ADGRL3: variants seen among roughly 807,000 people sequenced by gnomAD.
The protein encoded by ADGRL3 is calcium-independent alpha-latrotoxin receptor 3.
ADGRL3 carries 62 observed loss-of-function variants against 153.5 expected under a neutral mutation model. The observed-to-expected ratio is 0.40, with a 90% confidence interval of 0.33 to 0.50. ADGRL3 has a LOEUF of 0.50. Among genes scored for constraint, ADGRL3 ranks in the 20% least tolerant of loss-of-function variants. The pLI is 0.47. For missense variants in ADGRL3, 1,641 were observed against 1,859.4 expected (o/e 0.88, Z 2.16); for synonymous variants, 710 against 672.5 (o/e 1.06, Z -0.86).
intron 2 of ADGRL3, among the ~76,000 whole-genome samples, chr4:61,407,909 A>G (rs2097024262): frequency 1.3e-5 from 2 of 152,130 alleles, no homozygotes; most frequent in Non-Finnish European, 2.9e-5. Context: ...ACTCAAAATT[A>G]TAAATTGGTT....
At chr4:62,042,914 A>G (rs923946587) in intron 24 of ADGRL3, among the ~76,000 whole-genome samples, 2 of 151,930 alleles carry the variant, frequency 1.3e-5, no homozygotes, top group Admixed American at 6.6e-5. Context: ...TCCAAACATA[A>G]CCACTATCTT....
chr4:61,423,345 G>A (rs957430762), intron 2 of ADGRL3, among the ~76,000 whole-genome samples: 4 of 152,196 alleles, frequency 2.6e-5, no homozygotes, highest in Non-Finnish European at 5.9e-5. Flanking sequence ...CCTTGGAACA[G>A]CATGGGCAAA....
At chr4:61,768,299 G>T (rs542842591) in intron 8 of ADGRL3, among the ~76,000 whole-genome samples, 2 of 152,058 alleles carry the variant, frequency 1.3e-5, no homozygotes, top group African/African-American at 4.8e-5. Context: ...GTGGAGGAGC[G>T]GAGGCTGAGG....
At chr4:61,220,599 A>T in intron 1 of ADGRL3, among the ~76,000 whole-genome samples, 1 of 152,172 alleles carries the variant, frequency 6.6e-6, no homozygotes, top group East Asian at 1.9e-4. Context: ...CTTCATGTAG[A>T]AAAAGGGAGT....
chr4:61,805,185 G>T (rs546588349), intron 8 of ADGRL3, among the ~76,000 whole-genome samples: 5 of 151,868 alleles, frequency 3.3e-5, no homozygotes, highest in Admixed American at 6.6e-5. Flanking sequence ...CTCGTGATCC[G>T]CCCGCCTCGG....
At chr4:61,945,516 C>T (rs1270456597) in intron 15 of ADGRL3, among the ~76,000 whole-genome samples, 5 of 135,474 alleles carry the variant, frequency 3.7e-5, no homozygotes, top group Non-Finnish European at 6.3e-5. Context: ...TGGGCAATGG[C>T]GGGCGCCCCT....
At chr4:61,927,357 CTT>C (rs377282023) in intron 13 of ADGRL3, among the ~76,000 whole-genome samples, 61 of 145,246 alleles carry the variant, frequency 4.2e-4, no homozygotes, top group South Asian at 1.8e-3. Flanking sequence ...AAAGACAATG[CTT>C]TTTTTTAAAA....
chr4:61,565,911 G>A (rs2098814516), intron 4 of ADGRL3, among the ~76,000 whole-genome samples: 2 of 152,052 alleles, frequency 1.3e-5, no homozygotes, highest in Admixed American at 1.3e-4. Context: ...ATTTTCTTGG[G>A]TTTTCATAGA....
intron 8 of ADGRL3, among the ~76,000 whole-genome samples, chr4:61,744,050 A>C (rs1006835848): frequency 6.6e-6 from 1 of 152,192 alleles, no homozygotes; most frequent in Non-Finnish European, 1.5e-5. Context: ...ACGGCACACC[A>C]GGAGATTATA....
At chr4:61,536,324 T>A (rs1365024655) in intron 4 of ADGRL3, among the ~76,000 whole-genome samples, 1 of 152,104 alleles carries the variant, frequency 6.6e-6, no homozygotes, top group African/African-American at 2.4e-5. Flanking sequence ...TTAGAGAATC[T>A]TCCATGTGCA....
At chr4:61,365,036 A>C (rs2096369380) in intron 1 of ADGRL3, among the ~76,000 whole-genome samples, 1 of 152,174 alleles carries the variant, frequency 6.6e-6, no homozygotes, top group Non-Finnish European at 1.5e-5. Flanking sequence ...GACAGAAAAA[A>C]ATGCTTATCT....
intron 3 of ADGRL3, among the ~76,000 whole-genome samples, chr4:61,514,083 C>G (rs1396780631): frequency 6.6e-5 from 10 of 152,280 alleles, no homozygotes; most frequent in South Asian, 2.1e-4. Context: ...AAACTATCTT[C>G]AAATATCTGA....
intron 3 of ADGRL3, among the ~76,000 whole-genome samples, chr4:61,508,384 G>A (rs924025170): frequency 1.7e-4 from 26 of 152,226 alleles, no homozygotes; most frequent in African/African-American, 5.5e-4. Context: ...ACAGCCATGT[G>A]TTTGACTCTT....
intron 17 of ADGRL3, among the ~76,000 whole-genome samples, chr4:61,973,958 T>G (rs1197381496): frequency 1.3e-5 from 2 of 152,154 alleles, no homozygotes; most frequent in African/African-American, 4.8e-5. Context: ...CTTCGGATGC[T>G]TTGGACATTT....
At chr4:61,389,064 A>T (rs918049512) in intron 2 of ADGRL3, among the ~76,000 whole-genome samples, 1 of 151,894 alleles carries the variant, frequency 6.6e-6, no homozygotes, top group African/African-American at 2.4e-5. Context: ...TGTGTCTTTT[A>T]TATTGCACCA....
intron 2 of ADGRL3, among the ~76,000 whole-genome samples, chr4:61,486,834 T>C (rs921793683): frequency 2.0e-5 from 3 of 152,174 alleles, no homozygotes; most frequent in Admixed American, 2.0e-4. Context: ...TGGAAGATCA[T>C]GGTTCTTGGT....
At chr4:61,685,514 A>T (rs1046221673) in intron 6 of ADGRL3, among the ~76,000 whole-genome samples, 2 of 152,156 alleles carry the variant, frequency 1.3e-5, no homozygotes, top group African/African-American at 4.8e-5. Flanking sequence ...ATATCTGAAG[A>T]GGCTATGTGA....
chr4:61,993,719 CTT>C lies in ADGRL3; in HGVS notation c.3237-2568_3237-2567del, dbSNP rs573893048. Among the ~76,000 whole-genome samples, 204 of 152,108 alleles carry C rather than the reference CTT, an allele frequency of 1.3e-3. 1 individual carries two copies. Among genetic ancestry groups the C allele is most frequent in the African/African-American group, 4.4e-3 (183 of 41,530 alleles). On this transcript the variant is annotated intron_variant, in intron 19 of 26. Coordinates refer to ENST00000683033, the MANE Select transcript of ADGRL3 (RefSeq NM_001387552.1). ...TCTCTCTCTCTCCCTCTCTGTCGCT[CTT>C]TTTCACTCTCTCTCATACACACATA...
intron 4 of ADGRL3, among the ~76,000 whole-genome samples, chr4:61,585,231 T>C (rs2098941562): frequency 6.6e-6 from 1 of 151,986 alleles, no homozygotes. Context: ...CAGTGCAGCT[T>C]GAATAACTTC....
Sources: gnomAD v4.1 joint callset for allele counts (sites outside exome capture counted in the v4.1 genomes callset) on GRCh38, gnomAD v4.1.1 for gene constraint, MANE v1.5 for transcripts, NCBI Gene and HGNC (gene_info 2026-07-23, HGNC 2026-07-21) for gene names.